Variants in ZNF480 observed in about 807,000 individuals in gnomAD.
ZNF480 encodes the protein zinc finger protein 480.
A neutral mutation model predicts 14.4 loss-of-function variants in ZNF480; 15 were observed. The observed-to-expected ratio is 1.04, with a 90% CI of 0.70 to 1.60. The LOEUF is 1.60. ZNF480 is among the 40% of genes most tolerant of loss of function. The probability of loss-of-function intolerance (pLI) is 0.00; values close to 1 mark genes in which losing one functional copy is unlikely to be tolerated. For synonymous variants in ZNF480, 218 were observed against 215.5 expected, an observed-to-expected ratio of 1.01 and a Z score of -0.10; for missense variants, 593 against 629.7, an observed-to-expected ratio of 0.94 and a Z score of 0.62.
chr19:52,319,809 G>GTGT (rs1568635813), intron 4 of ZNF480, among the ~76,000 whole-genome samples: 5 of 95,544 alleles, frequency 5.2e-5, no homozygotes, highest in African/African-American at 1.8e-4. Flanking sequence ...AGCTGATACT[G>GTGT]TGTTTTTTTT....
intron 2 of ZNF480, chr19:52,301,516 C>G (rs889020626): frequency 1.3e-5 from 2 of 152,056 alleles, no homozygotes; most frequent in African/African-American, 4.8e-5. Flanking sequence ...TATCTGCATT[C>G]TATATTCTAG....
chr19:52,300,385 G>C lies in ZNF480; in HGVS notation c.-19-9G>C, dbSNP rs1336722310. 1.2e-6 allele frequency: 2 copies of C among 1,609,534 alleles called. No individual in the cohort carries two copies. Among genetic ancestry groups the C allele is most frequent in the Admixed American group, 1.7e-5 (1 of 59,326 alleles). On this transcript the variant is annotated splice_polypyrimidine_tract_variant and intron_variant, in intron 1 of 4. Transcript: ENST00000595962. ...TCTAAGCCCTAAACAGCATATTTTT[G>C]ACATTTAGGATTGACTTCTAAAGAG... is the stretch of plus-strand genomic sequence containing the variant.
In ZNF480 at chr19:52,324,218, ACC is replaced by A. The variant is rs1046502544; in HGVS notation, c.*1361_*1362del. 50 of 152,320 alleles carry A rather than the reference ACC, an allele frequency of 3.3e-4. No individual in the cohort carries two copies. Among genetic ancestry groups the A allele is most frequent in the African/African-American group, 1.2e-3 (49 of 41,566 alleles). 9.4% of individuals were successfully genotyped at this position (152,320 alleles called of 1,614,324 possible). A position where few individuals can be genotyped will look rare whatever the true frequency, so the allele number is the denominator to read the frequency against. ...ACAGTAGCCACAAAAAGTATAAAAT[ACC>A]TAGGAATACAGCCAACCAGGTAAGT... On this transcript the variant is annotated 3_prime_UTR_variant, in exon 5 of 5. Transcript: ENST00000595962.
intron 2 of ZNF480, among the ~76,000 whole-genome samples, chr19:52,312,802 T>G (rs543098445): frequency 6.5e-4 from 96 of 148,678 alleles, no homozygotes; most frequent in African/African-American, 2.4e-3. Flanking sequence ...GTCATTGCTA[T>G]TGTTATCATC....
chr19:52,306,077 A>C (rs1037233095), intron 2 of ZNF480, among the ~76,000 whole-genome samples: 2 of 152,162 alleles, frequency 1.3e-5, no homozygotes, highest in Admixed American at 6.5e-5. Flanking sequence ...CTGGGCTAGC[A>C]GAGTAGTCTT....
chr19:52,322,116 G>A lies in ZNF480; in HGVS notation c.866G>A (p.Cys289Tyr). 6.2e-7 allele frequency: 1 copy of A among 1,613,970 alleles called. No individual in the cohort carries two copies. The highest frequency in any genetic ancestry group is 8.5e-7 in the Non-Finnish European group (1 of 1,179,996). Residue 289 changes from cysteine (C) to tyrosine (Y), a missense_variant, in exon 5 of 5, where the codon TGT becomes TAT. Physicochemically the swap from Cys to Tyr is radical, Grantham distance 194 (BLOSUM62 -2). Transcript: ENST00000595962. ...RIHTREKPYE[C>Y]NECGKVFSNN... Reference sequence around the variant, plus strand: ...CATACCAGAGAGAAGCCGTATGAATGTAATGAATGTGGTAAAGTCTTCAGT... The same window carrying A: ...CATACCAGAGAGAAGCCGTATGAATATAATGAATGTGGTAAAGTCTTCAGT...
Position 52,322,143 on chromosome 19 carries a change from A to G in ZNF480, c.893A>G (p.Asn298Ser). Residue 298 changes from asparagine to serine, a missense_variant, in exon 5 of 5, where the codon AAT becomes AGT. Physicochemically the swap from Asn to Ser is conservative, Grantham distance 46. Transcript: ENST00000595962. ...AATGAATGTGGTAAAGTCTTCAGTA[A>G]TAATTCTTACCTTGCACGACATCAA... The part of the protein sequence containing the change: ...ECNECGKVFS[N>S]NSYLARHQRI... The G allele has an allele frequency of 6.2e-7, 1 of 1,613,996 alleles. No homozygotes were observed.
chr19:52,309,716 C>T (rs1316763773), intron 2 of ZNF480, among the ~76,000 whole-genome samples: 1 of 152,202 alleles, frequency 6.6e-6, no homozygotes, highest in African/African-American at 2.4e-5. Context: ...AGTAGGTTGA[C>T]TTGGTACTGG....
chr19:52,316,637 G>C (rs2122552077), intron 4 of ZNF480, among the ~76,000 whole-genome samples: 1 of 152,072 alleles, frequency 6.6e-6, no homozygotes, highest in African/African-American at 2.4e-5. Flanking sequence ...ACCGGCATGA[G>C]CCATGATGCC....
intron 1 of ZNF480, among the ~76,000 whole-genome samples, chr19:52,297,533 CG>C (rs1397536348): frequency 6.6e-6 from 1 of 152,138 alleles, no homozygotes; most frequent in African/African-American, 2.4e-5. Context: ...CCCCGCTAGG[CG>C]GATTCCGGTC....
At chr19:52,297,789 G>A (rs79122318) in intron 1 of ZNF480, 2,765 of 152,604 alleles carry the variant, frequency 0.018, 38 homozygotes, top group East Asian at 0.043. Flanking sequence ...TTGACATCCA[G>A]TGTTCTTGCG....
chr19:52,312,213 TGGCTCACTGCAATCTC>T (rs1409036946), intron 2 of ZNF480, among the ~76,000 whole-genome samples: 3 of 151,786 alleles, frequency 2.0e-5, no homozygotes, highest in African/African-American at 4.8e-5. Context: ...GGCGCGATAT[TGGCTCACTGCAATCTC>T]GGCTCACTGC....
intron 4 of ZNF480, chr19:52,317,473 C>T: frequency 6.6e-6 from 1 of 152,276 alleles, no homozygotes. Flanking sequence ...TGGGTTCAAG[C>T]AGTTCTCCTG....
intron 2 of ZNF480, among the ~76,000 whole-genome samples, chr19:52,302,425 G>C (rs897870636): frequency 1.3e-5 from 2 of 152,174 alleles, no homozygotes; most frequent in African/African-American, 4.8e-5. Flanking sequence ...GCTTGTCCTT[G>C]TGAATTATAT....
intron 2 of ZNF480, among the ~76,000 whole-genome samples, chr19:52,311,551 AT>A (rs1983288297): frequency 6.6e-6 from 1 of 152,224 alleles, no homozygotes; most frequent in African/African-American, 2.4e-5. Context: ...ATGGTCTATC[AT>A]TTTTTAATGG....
chr19:52,314,188 C>T lies in ZNF480; in HGVS notation c.108C>T (p.Phe36=), dbSNP rs778465340. Residue 36 remains phenylalanine, a synonymous_variant, in exon 3 of 5, where the codon TTC becomes TTT. Transcript: ENST00000595962. The part of the protein sequence containing the change: ...HLTFRDVAIE[F]SQAEWKCLDP... ...CATTCAGGGACGTGGCCATAGAATTCTCTCAGGCGGAGTGGAAATGCCTGG... is the reference window on the plus strand; with the variant it reads ...CATTCAGGGACGTGGCCATAGAATTTTCTCAGGCGGAGTGGAAATGCCTGG... 1 of 1,581,396 alleles carries T rather than the reference C, an allele frequency of 6.3e-7. No individual in the cohort carries two copies. The highest frequency in any genetic ancestry group is 8.6e-7 in the Non-Finnish European group (1 of 1,159,246).
At chr19:52,319,621 C>T (rs192946) in intron 4 of ZNF480, among the ~76,000 whole-genome samples, 1 of 152,054 alleles carries the variant, frequency 6.6e-6, no homozygotes, top group Non-Finnish European at 1.5e-5. Context: ...TCAGGTCTTT[C>T]TTCAGAATTG....
intron 4 of ZNF480, among the ~76,000 whole-genome samples, chr19:52,316,520 G>A (rs1040779220): frequency 3.3e-5 from 5 of 152,012 alleles, no homozygotes; most frequent in South Asian, 2.1e-4. Context: ...ATGAGCTACC[G>A]CGCCCAGCTT....
At chr19:52,313,713 A>C in intron 2 of ZNF480, 1 of 311,418 alleles carries the variant, frequency 3.2e-6, no homozygotes, top group Non-Finnish European at 6.5e-6. Flanking sequence ...TTCACAGGCC[A>C]GGGTGGTGGC....
Sources: allele counts gnomAD v4.1 joint callset (sites outside exome capture counted in the v4.1 genomes callset), GRCh38; gene constraint gnomAD v4.1.1; transcripts MANE v1.5; gene names NCBI Gene and HGNC (gene_info 2026-07-23, HGNC 2026-07-21).